The following LRSAM1 variants were observed in gnomAD, a reference collection of about 807,000 sequenced individuals.
LRSAM1 encodes the protein E3 ubiquitin-protein ligase LRSAM1.
In LRSAM1, 96 loss-of-function variants were observed where a neutral mutation model predicts 118.1. The observed-to-expected ratio is 0.81, with a 90% CI of 0.69 to 0.96. The LOEUF (loss-of-function observed/expected upper bound fraction) is 0.96. LRSAM1 is among the 40% of genes least tolerant of loss of function. LRSAM1 has a pLI of 0.00. For missense variants in LRSAM1, 804 were observed against 915.5 expected (o/e 0.88, Z 1.57); for synonymous variants, 322 against 364.2 (o/e 0.88, Z 1.32).
At chr9:127,460,298 C>A (rs1481868387) in intron 7 of LRSAM1, among the ~76,000 whole-genome samples, 1 of 152,060 alleles carries the variant, frequency 6.6e-6, no homozygotes, top group Non-Finnish European at 1.5e-5. Flanking sequence ...GTGCCTGGCC[C>A]CCATTGCATC....
chr9:127,463,090 G>A (rs1022471353), intron 9 of LRSAM1, among the ~76,000 whole-genome samples: 4 of 151,540 alleles, frequency 2.6e-5, no homozygotes, highest in African/African-American at 7.3e-5. Flanking sequence ...CCAGCTACTC[G>A]GGGGAGGCTG....
At chr9:127,484,283 T>A (rs1835646112) in intron 16 of LRSAM1, among the ~76,000 whole-genome samples, 1 of 115,696 alleles carries the variant, frequency 8.6e-6, no homozygotes, top group Non-Finnish European at 1.9e-5. Context: ...TTTTTTTTCC[T>A]GCTTCTTTAT....
At chr9:127,489,972 G>A (rs1384748625) in intron 19 of LRSAM1, among the ~76,000 whole-genome samples, 3 of 152,226 alleles carry the variant, frequency 2.0e-5, no homozygotes, top group African/African-American at 7.2e-5. Context: ...GTGAGCCACG[G>A]TGGTCCTGAC....
At chr9:127,471,506 G>A (rs1835167130) in intron 10 of LRSAM1, among the ~76,000 whole-genome samples, 1 of 147,868 alleles carries the variant, frequency 6.8e-6, no homozygotes, top group African/African-American at 2.5e-5. Context: ...AAGATTTTGG[G>A]CTGGGCGCGG....
chr9:127,502,131 C>T (rs184057869), intron 25 of LRSAM1, among the ~76,000 whole-genome samples: 39 of 152,370 alleles, frequency 2.6e-4, no homozygotes, highest in Admixed American at 1.8e-3. Flanking sequence ...GAACACCCTG[C>T]GTGCCCTCCG....
chr9:127,496,846 G>A (rs537458439), intron 23 of LRSAM1, among the ~76,000 whole-genome samples: 1 of 152,362 alleles, frequency 6.6e-6, no homozygotes, highest in East Asian at 1.9e-4. Flanking sequence ...TCTGGAGGCT[G>A]AGGGACTGTG....
chr9:127,476,128 AT>A (rs1835342313), intron 11 of LRSAM1, among the ~76,000 whole-genome samples: 1 of 152,180 alleles, frequency 6.6e-6, no homozygotes, highest in Admixed American at 6.5e-5. Flanking sequence ...ATGAGGAGAC[AT>A]TTGCAGGAGT....
At chr9:127,482,731 A>G (rs1835586102) in intron 15 of LRSAM1, among the ~76,000 whole-genome samples, 1 of 152,168 alleles carries the variant, frequency 6.6e-6, no homozygotes, top group Non-Finnish European at 1.5e-5. Context: ...CCATTTTCTA[A>G]GGGAGCGTCC....
chr9:127,483,103 T>C (rs1835601640), intron 16 of LRSAM1, 83 bp downstream of exon 16: 1 of 1,294,142 alleles, frequency 7.7e-7, no homozygotes, highest in East Asian at 2.4e-5. Context: ...CTGTTGGCCA[T>C]GCATGGAGGG....
chr9:127,501,527 T>TC (rs1836393703), intron 25 of LRSAM1, among the ~76,000 whole-genome samples: 1 of 151,674 alleles, frequency 6.6e-6, no homozygotes, highest in Non-Finnish European at 1.5e-5. Context: ...AGGTCAGGAG[T>TC]TTGAGGCCAG....
intron 10 of LRSAM1, 48 bp from the exon 11 acceptor site, chr9:127,473,753 C>T (rs752128674): frequency 1.2e-6 from 2 of 1,613,724 alleles, no homozygotes; most frequent in Admixed American, 3.3e-5. Flanking sequence ...CTCTGGGTAC[C>T]TCAGCTGTCT....
chr9:127,470,439 C>T (rs1430587110), intron 10 of LRSAM1, among the ~76,000 whole-genome samples: 1 of 152,002 alleles, frequency 6.6e-6, no homozygotes, highest in Non-Finnish European at 1.5e-5. Context: ...CTAATCACCT[C>T]CCACGAGTTC....
At chr9:127,494,633 C>T (rs1413452314) in intron 21 of LRSAM1, among the ~76,000 whole-genome samples, 1 of 152,198 alleles carries the variant, frequency 6.6e-6, no homozygotes, top group South Asian at 2.1e-4. Context: ...GAAGAGTTAT[C>T]GAATGGCAGA....
At chr9:127,495,532 A>T in intron 22 of LRSAM1, 114 bp downstream of exon 22, 1 of 876,110 alleles carries the variant, frequency 1.1e-6, no homozygotes, top group South Asian at 1.4e-5. Context: ...TGACTCTAGC[A>T]TGCCAGATCC....
chr9:127,457,983 A>G (rs1208518159), intron 6 of LRSAM1, among the ~76,000 whole-genome samples: 1 of 125,108 alleles, frequency 8.0e-6, no homozygotes. Context: ...TTTTTTTTTT[A>G]ATATTTTGCA....
At chr9:127,499,468 C>T (rs997788396) in intron 24 of LRSAM1, among the ~76,000 whole-genome samples, 1 of 151,582 alleles carries the variant, frequency 6.6e-6, no homozygotes, top group African/African-American at 2.4e-5. Flanking sequence ...GAGGTTGAGG[C>T]TGCAGTGAGC....
In LRSAM1 at chr9:127,466,555, G is replaced by A. The variant is rs769334619; in HGVS notation, c.529-1185G>A. ...TCCACTAGAGATGGGGTCTCGCTAT[G>A]TTGCCCAGGCTGGTCTCGAACTCCT... On this transcript the variant is annotated intron_variant, in intron 9 of 25. Coordinates refer to ENST00000300417, the MANE Select transcript of LRSAM1 (RefSeq NM_001005373.4). 4.4e-4 allele frequency among the ~76,000 whole-genome samples: 48 copies of A among 108,264 alleles called. 1 individual carries two copies. Among genetic ancestry groups the A allele is most frequent in the Non-Finnish European group, 6.6e-4 (39 of 58,768 alleles). The allele number at this position is 108,264 out of a possible 152,430, so 71.0% of individuals were successfully genotyped here.
In LRSAM1 at chr9:127,451,560, G is replaced by T. The variant is rs1834322975; in HGVS notation, c.-298G>T. 1.7e-6 allele frequency: 1 copy of T among 571,626 alleles called. No homozygotes were observed. The highest frequency in any genetic ancestry group is 3.1e-6 in the Non-Finnish European group (1 of 318,360). 35.4% of individuals were successfully genotyped at this position (571,626 alleles called of 1,614,324 possible). On this transcript the variant is annotated 5_prime_UTR_variant, in exon 1 of 26. Coordinates refer to ENST00000300417, the MANE Select transcript of LRSAM1 (RefSeq NM_001005373.4). Reference sequence around the variant, plus strand: ...CGGCTGGCAAGCAGGGCACCGCGGTGCGCTGAAGCTAGAGATTCCGAAAGG... The same window carrying T: ...CGGCTGGCAAGCAGGGCACCGCGGTTCGCTGAAGCTAGAGATTCCGAAAGG...
At chr9:127,457,421 G>C in intron 6 of LRSAM1, 28 bp downstream of exon 6, 1 of 1,610,618 alleles carries the variant, frequency 6.2e-7, no homozygotes, top group South Asian at 1.1e-5. Flanking sequence ...CAGGCAGCTG[G>C]GGCTCTGCAT....
Sources: gnomAD v4.1 joint callset for allele counts (sites outside exome capture counted in the v4.1 genomes callset) on GRCh38, gnomAD v4.1.1 for gene constraint, MANE v1.5 for transcripts, NCBI Gene and HGNC (gene_info 2026-07-23, HGNC 2026-07-21) for gene names.